Variants in SRGAP1 observed in about 807,000 individuals in gnomAD.
SRGAP1 encodes the protein SLIT-ROBO Rho GTPase-activating protein 1.
A neutral mutation model predicts 121.9 loss-of-function variants in SRGAP1; 43 were observed. The ratio of observed to expected loss-of-function variants is 0.35; its 90% CI spans 0.28 to 0.46. SRGAP1 has a LOEUF of 0.46. SRGAP1 is among the 20% of genes least tolerant of loss of function. The probability of loss-of-function intolerance (pLI) is 1.00; values close to 1 mark genes in which losing one functional copy is unlikely to be tolerated. For synonymous variants in SRGAP1, 447 were observed against 485.4 expected (o/e 0.92, Z 1.04); for missense variants, 1,102 against 1,350.9 (o/e 0.82, Z 2.89).
At chr12:64,067,295 C>G (rs542723393) in intron 8 of SRGAP1, among the ~76,000 whole-genome samples, 3 of 152,154 alleles carry the variant, frequency 2.0e-5, no homozygotes, top group Non-Finnish European at 2.9e-5. Context: ...TAAAAATTAT[C>G]TAAAGAACTT....
chr12:63,856,709 A>G (rs1899264268), intron 1 of SRGAP1, among the ~76,000 whole-genome samples: 1 of 145,666 alleles, frequency 6.9e-6, no homozygotes, highest in African/African-American at 2.7e-5. Flanking sequence ...GCTTTGTAAT[A>G]AGTCTTTATG....
chr12:63,901,552 C>T (rs541047115), intron 1 of SRGAP1, among the ~76,000 whole-genome samples: 3 of 152,302 alleles, frequency 2.0e-5, no homozygotes, highest in Non-Finnish European at 4.4e-5. Flanking sequence ...TCAGCCTGAG[C>T]GCTCCATAAT....
At chr12:63,992,660 T>TACAC (rs59798383) in intron 3 of SRGAP1, among the ~76,000 whole-genome samples, 1,445 of 138,476 alleles carry the variant, frequency 0.01, 20 homozygotes, top group African/African-American at 0.017. Context: ...GCACAGTAAA[T>TACAC]ACACACACAC....
chr12:64,058,783 A>G (rs789718), intron 6 of SRGAP1, among the ~76,000 whole-genome samples: 143,134 of 151,938 alleles, frequency 0.94, 67,964 homozygotes, highest in East Asian at 1. Flanking sequence ...TTGAATCTTA[A>G]CAGATCCAGT....
At chr12:63,930,182 T>G (rs1398592553) in intron 1 of SRGAP1, among the ~76,000 whole-genome samples, 5 of 152,022 alleles carry the variant, frequency 3.3e-5, no homozygotes, top group African/African-American at 1.2e-4. Flanking sequence ...TAACAGAAAT[T>G]CGTAACACTC....
chr12:64,105,315 G>A (rs2036326822), intron 15 of SRGAP1, among the ~76,000 whole-genome samples: 1 of 152,178 alleles, frequency 6.6e-6, no homozygotes, highest in Non-Finnish European at 1.5e-5. Flanking sequence ...ATCTGTCGAT[G>A]AACATTTAGG....
intron 1 of SRGAP1, among the ~76,000 whole-genome samples, chr12:63,859,736 C>T (rs1267067252): frequency 6.6e-6 from 1 of 152,092 alleles, no homozygotes; most frequent in Non-Finnish European, 1.5e-5. Flanking sequence ...AACACCTTTT[C>T]CTCTTTTTAA....
chr12:63,945,320 GT>G (rs954889386), intron 1 of SRGAP1, among the ~76,000 whole-genome samples: 47 of 151,676 alleles, frequency 3.1e-4, no homozygotes, highest in African/African-American at 1.0e-3. Context: ...GAACGCGCAG[GT>G]TTGTTACATA....
intron 8 of SRGAP1, among the ~76,000 whole-genome samples, chr12:64,072,106 C>CTGTGTGTGTGTGTGTGTGTG (rs1212999220): frequency 2.9e-4 from 11 of 37,766 alleles, no homozygotes; most frequent in African/African-American, 6.8e-4. Flanking sequence ...CCCAATCTCT[C>CTGTGTGTGTGTGTGTGTGTG]TCTGTGTGTG....
chr12:64,054,147 C>T (rs1305124255), intron 6 of SRGAP1, among the ~76,000 whole-genome samples: 1 of 152,170 alleles, frequency 6.6e-6, no homozygotes, highest in African/African-American at 2.4e-5. Context: ...AGTACAGTTT[C>T]ATGGTCTCCA....
intron 4 of SRGAP1, among the ~76,000 whole-genome samples, chr12:64,033,593 C>T (rs2034831549): frequency 6.6e-6 from 1 of 152,134 alleles, no homozygotes; most frequent in Non-Finnish European, 1.5e-5. Context: ...TGGCGAATGC[C>T]TGTTATCCCA....
chr12:64,137,506 C>G (rs1183454659), intron 21 of SRGAP1, among the ~76,000 whole-genome samples: 2 of 151,994 alleles, frequency 1.3e-5, no homozygotes, highest in Non-Finnish European at 2.9e-5. Context: ...AGTGAGCATG[C>G]CATCAAGGTG....
chr12:63,922,153 A>G (rs1218487465), intron 1 of SRGAP1, among the ~76,000 whole-genome samples: 5 of 151,784 alleles, frequency 3.3e-5, no homozygotes, highest in Non-Finnish European at 7.4e-5. Context: ...TTATTTTTGT[A>G]TTTTTATTAG....
intron 6 of SRGAP1, among the ~76,000 whole-genome samples, chr12:64,059,914 C>T (rs1179303780): frequency 6.6e-6 from 1 of 152,136 alleles, no homozygotes; most frequent in South Asian, 2.1e-4. Context: ...TATGGTGTCA[C>T]AGCTACTTTC....
chr12:63,873,999 C>T (rs1250155312), intron 1 of SRGAP1, among the ~76,000 whole-genome samples: 1 of 151,678 alleles, frequency 6.6e-6, no homozygotes, highest in Non-Finnish European at 1.5e-5. Flanking sequence ...CACCACTGCA[C>T]TCCAGCCTGG....
chr12:64,023,705 C>G (rs2034598061), intron 4 of SRGAP1, among the ~76,000 whole-genome samples: 1 of 152,192 alleles, frequency 6.6e-6, no homozygotes, highest in Non-Finnish European at 1.5e-5. Context: ...AACCTATCCT[C>G]AAGTTCCATT....
intron 15 of SRGAP1, among the ~76,000 whole-genome samples, chr12:64,102,747 T>G (rs2036278766): frequency 1.3e-5 from 2 of 152,188 alleles, no homozygotes; most frequent in Non-Finnish European, 2.9e-5. Context: ...TATCAGTACT[T>G]CATTCTTTTT....
chr12:63,964,193 C>T (rs900722699), intron 1 of SRGAP1, among the ~76,000 whole-genome samples: 1 of 152,132 alleles, frequency 6.6e-6, no homozygotes, highest in African/African-American at 2.4e-5. Context: ...AATAATAATA[C>T]TTATCTAATA....
chr12:64,094,546 CAG>C (rs774643670), intron 12 of SRGAP1, among the ~76,000 whole-genome samples: 137 of 152,174 alleles, frequency 9.0e-4, no homozygotes, highest in Non-Finnish European at 1.0e-3. Context: ...TCAGGGATGT[CAG>C]AGAGAGAATC....
Sources: allele counts gnomAD v4.1 joint callset (sites outside exome capture counted in the v4.1 genomes callset), GRCh38; gene constraint gnomAD v4.1.1; transcripts MANE v1.5; gene names NCBI Gene and HGNC (gene_info 2026-07-23, HGNC 2026-07-21).